CSMD1: variants seen among roughly 807,000 people sequenced by gnomAD.
CSMD1 encodes the protein CUB and Sushi multiple domains 1, also known as CUB and sushi domain-containing protein 1.
Under a neutral mutation model 417.5 loss-of-function variants are expected in CSMD1, and 213 were observed. The observed-to-expected ratio is 0.51, with a 90% confidence interval of 0.46 to 0.57. The LOEUF (loss-of-function observed/expected upper bound fraction) is 0.57. Among genes scored for constraint, CSMD1 ranks in the 20% least tolerant of loss-of-function variants. The probability of loss-of-function intolerance (pLI) is 0.00; values close to 1 mark genes in which losing one functional copy is unlikely to be tolerated. For missense variants in CSMD1, 6,923 were observed against 4,529.7 expected (o/e 1.53, Z -15.17); for synonymous variants, 2,862 against 1,736.8 (o/e 1.65, Z -16.11).
At chr8:4,350,906 GC>G (rs1801054875) in intron 3 of CSMD1, among the ~76,000 whole-genome samples, 2 of 152,182 alleles carry the variant, frequency 1.3e-5, no homozygotes, top group African/African-American at 4.8e-5. Flanking sequence ...TCTAAGGTGG[GC>G]CGTGCTTACA....
chr8:4,743,484 G>T (rs1025742602), intron 1 of CSMD1, among the ~76,000 whole-genome samples: 1 of 152,086 alleles, frequency 6.6e-6, no homozygotes, highest in Non-Finnish European at 1.5e-5. Flanking sequence ...CAGAAACACC[G>T]GAGCGTCAAG....
rs1004424936 is a variant in CSMD1, at chr8:3,562,772, G to A, written c.1344+12173C>T. On this transcript the variant is annotated intron_variant, in intron 10 of 69. Transcript: ENST00000635120. Reference sequence around the variant, plus strand: ...ATAATAATACGGAGCCTATTGGAGGGTGGAGGGTGGGAGGGGGAAGAGGAT... The same window carrying A: ...ATAATAATACGGAGCCTATTGGAGGATGGAGGGTGGGAGGGGGAAGAGGAT... Among the ~76,000 whole-genome samples the A allele has an allele frequency of 7.2e-5, 11 of 152,172 alleles. No homozygotes were observed. The South Asian group carries it at 1.9e-3, about 26-fold the overall frequency.
chr8:4,449,531 T>G (rs189244036), intron 2 of CSMD1, among the ~76,000 whole-genome samples: 20 of 152,336 alleles, frequency 1.3e-4, no homozygotes, highest in South Asian at 8.3e-4. Flanking sequence ...GCTGTGTCTG[T>G]GAGTCACAGG....
Position 3,397,233 on chromosome 8 carries a change from C to T in CSMD1, c.2406-852G>A, listed in dbSNP as rs552413179. Among the ~76,000 whole-genome samples, 6 of 152,274 alleles carry T rather than the reference C, an allele frequency of 3.9e-5. No homozygotes were observed. The South Asian group carries it at 8.3e-4, about 21-fold the overall frequency. ...CAGCTTAAGCGTCATAAGACTCTGA[C>T]TCACTCAGTCACTTTGAGCCAAAGG... On this transcript the variant is annotated intron_variant, in intron 16 of 69. Coordinates refer to ENST00000635120, the MANE Select transcript of CSMD1 (RefSeq NM_033225.6).
At chr8:4,263,610 G>C (rs1015404161) in intron 3 of CSMD1, among the ~76,000 whole-genome samples, 11 of 152,000 alleles carry the variant, frequency 7.2e-5, no homozygotes, top group African/African-American at 2.7e-4. Context: ...CAACAATCCA[G>C]GAAATTGTCA....
At chr8:3,376,010 T>C (rs1379144688) in intron 18 of CSMD1, among the ~76,000 whole-genome samples, 1 of 152,208 alleles carries the variant, frequency 6.6e-6, no homozygotes, top group Non-Finnish European at 1.5e-5. Flanking sequence ...TCCAACTTCT[T>C]TATCCTCATC....
intron 12 of CSMD1, among the ~76,000 whole-genome samples, chr8:3,414,049 G>A (rs1283102849): frequency 6.7e-6 from 1 of 150,338 alleles, no homozygotes; most frequent in African/African-American, 2.5e-5. Context: ...TGAAGCAGGA[G>A]AATTACTTGA....
Position 3,288,050 on chromosome 8 carries a change from A to G in CSMD1, c.3951-3704T>C, listed in dbSNP as rs190200257. ...TTTGTCAAAGGCCTTTTCTGCATCT[A>G]TTGAGATAATCATGTGGTTTTTGTC... is the stretch of plus-strand genomic sequence containing the variant. On this transcript the variant is annotated intron_variant, in intron 25 of 69. Transcript: ENST00000635120. Among the ~76,000 whole-genome samples the G allele has an allele frequency of 1.5e-3, 227 of 147,420 alleles. 37 individuals carry two copies. The highest frequency in any genetic ancestry group is 5.7e-3 in the African/African-American group (213 of 37,172).
intron 31 of CSMD1, among the ~76,000 whole-genome samples, chr8:3,202,172 A>C (rs939679878): frequency 1.3e-5 from 2 of 152,192 alleles, no homozygotes; most frequent in Admixed American, 1.3e-4. Context: ...TGTCTCAAGA[A>C]AAAAAAGAAT....
At chr8:3,101,248 C>T (rs930358618) in intron 46 of CSMD1, among the ~76,000 whole-genome samples, 9 of 152,156 alleles carry the variant, frequency 5.9e-5, no homozygotes, top group Non-Finnish European at 8.8e-5. Flanking sequence ...CCATCTCCTC[C>T]TTTTTCCTCA....
chr8:4,802,928 A>C, intron 1 of CSMD1, among the ~76,000 whole-genome samples: 1 of 152,314 alleles, frequency 6.6e-6, no homozygotes, highest in African/African-American at 2.4e-5. Context: ...AGAGAGGCAG[A>C]ATAAAGTGAT....
intron 12 of CSMD1, among the ~76,000 whole-genome samples, chr8:3,444,279 T>C (rs1030282312): frequency 1.3e-5 from 2 of 152,206 alleles, no homozygotes; most frequent in African/African-American, 4.8e-5. Context: ...GAATGGTTTA[T>C]CCCACTGGAT....
chr8:4,330,610 G>A (rs1476222115), intron 3 of CSMD1, among the ~76,000 whole-genome samples: 1 of 148,844 alleles, frequency 6.7e-6, no homozygotes, highest in African/African-American at 2.4e-5. Flanking sequence ...AAAGTATTTT[G>A]TAATAGCTCA....
chr8:3,000,615 A>G (rs1807316712), intron 52 of CSMD1, among the ~76,000 whole-genome samples: 1 of 152,198 alleles, frequency 6.6e-6, no homozygotes, highest in Admixed American at 6.5e-5. Flanking sequence ...ATCAGAGAAT[A>G]AGTTCAATTT....
chr8:4,850,644 C>T (rs1801417664), intron 1 of CSMD1, among the ~76,000 whole-genome samples: 3 of 152,078 alleles, frequency 2.0e-5, no homozygotes, highest in Admixed American at 6.5e-5. Flanking sequence ...ACTCTTCCAT[C>T]AGAACAAAGT....
At chr8:4,625,301 G>T (rs1458451802) in intron 2 of CSMD1, among the ~76,000 whole-genome samples, 1 of 152,044 alleles carries the variant, frequency 6.6e-6, no homozygotes, top group Non-Finnish European at 1.5e-5. Flanking sequence ...AAAGAGTGAT[G>T]GAAGTTGAGG....
intron 5 of CSMD1, among the ~76,000 whole-genome samples, chr8:3,937,866 G>A (rs62481632): frequency 0.34 from 51,925 of 151,924 alleles, 8,914 homozygotes; most frequent in African/African-American, 0.4. Context: ...AATATTACTC[G>A]AATTACTGCA....
At chr8:3,273,295 G>A (rs1217464179) in intron 26 of CSMD1, among the ~76,000 whole-genome samples, 2 of 152,026 alleles carry the variant, frequency 1.3e-5, no homozygotes, top group African/African-American at 2.4e-5. Context: ...CTTGATCATG[G>A]TGGATAAGCT....
At chr8:3,706,049 A>C (rs1021231920) in intron 7 of CSMD1, among the ~76,000 whole-genome samples, 1 of 152,228 alleles carries the variant, frequency 6.6e-6, no homozygotes. Flanking sequence ...CATGGTGGGA[A>C]CGCCTAAGGC....
Sources: gnomAD v4.1 joint callset for allele counts (sites outside exome capture counted in the v4.1 genomes callset) on GRCh38, gnomAD v4.1.1 for gene constraint, MANE v1.5 for transcripts, NCBI Gene and HGNC (gene_info 2026-07-23, HGNC 2026-07-21) for gene names.